Variants in PCDHGB6 observed in about 807,000 individuals in gnomAD.
PCDHGB6 encodes protocadherin gamma subfamily B, 6.
Under a neutral mutation model 59.1 loss-of-function variants are expected in PCDHGB6, and 51 were observed. The observed-to-expected ratio is 0.86, with a 90% CI of 0.69 to 1.09. The LOEUF (loss-of-function observed/expected upper bound fraction) is 1.09. Among genes scored for constraint, PCDHGB6 ranks in the 50% least tolerant of loss-of-function variants. PCDHGB6 has a pLI of 0.00. For missense variants in PCDHGB6, 1,148 were observed against 1,205.1 expected (o/e 0.95, Z 0.70); for synonymous variants, 466 against 495.1 (o/e 0.94, Z 0.78).
intron 1 of PCDHGB6, chr5:141,410,939 C>T (rs960754863): frequency 5.1e-5 from 10 of 195,446 alleles, no homozygotes; most frequent in South Asian, 1.1e-4. Flanking sequence ...CTGCAACCTC[C>T]GCCTTCTGGG....
intron 1 of PCDHGB6, chr5:141,418,595 G>GT (rs2096273873): frequency 6.2e-7 from 1 of 1,613,928 alleles, no homozygotes; most frequent in African/African-American, 1.3e-5. Context: ...CAGCCAGGAC[G>GT]TGTACAGGGT....
At position 141,410,617 on chromosome 5, in the gene PCDHGB6, T is replaced by A; in HGVS notation, c.2415T>A (p.Thr805=). Residue 805 remains threonine (T), a synonymous_variant, in exon 1 of 4, where the codon ACT becomes ACA. Coordinates refer to ENST00000520790, the MANE Select transcript of PCDHGB6 (RefSeq NM_018926.3). ...TGACTTCACATCCTGAGACTCTGAC[T>A]TCGGTGAGTTTCTCTTTTTTGTGTG... ...EDLTSHPETL[T]SQAPPNTDWR... 2 of 1,603,978 alleles carry A rather than the reference T, an allele frequency of 1.2e-6. No homozygotes were observed. The highest frequency in any genetic ancestry group is 1.7e-6 in the Non-Finnish European group (2 of 1,179,594).
At chr5:141,508,434 G>A (rs2099868795) in intron 3 of PCDHGB6, among the ~76,000 whole-genome samples, 1 of 152,160 alleles carries the variant, frequency 6.6e-6, no homozygotes, top group Admixed American at 6.5e-5. Flanking sequence ...AGCTCACACA[G>A]TTCCTTAGTG....
At chr5:141,475,090 A>G (rs991061660) in intron 1 of PCDHGB6, among the ~76,000 whole-genome samples, 1 of 152,264 alleles carries the variant, frequency 6.6e-6, no homozygotes, top group African/African-American at 2.4e-5. Flanking sequence ...CAATAATTTT[A>G]TAAAGATCCT....
intron 1 of PCDHGB6, chr5:141,419,364 C>T (rs1360235541): frequency 1.1e-5 from 18 of 1,613,690 alleles, no homozygotes; most frequent in Non-Finnish European, 1.3e-5. Flanking sequence ...CGAACGCTGT[C>T]GTCCTACGTG....
In PCDHGB6 at chr5:141,476,348, G is replaced by T. The variant is rs764669470; in HGVS notation, c.2419-18459G>T. On this transcript the variant is annotated intron_variant, in intron 1 of 3. Transcript: ENST00000520790. This position sits in a 1 kb window ranked among gnomAD's most constrained non-coding sequence, Gnocchi z 7.6. ...GTCTGGAGCTAGCCGAAGATTCTTTGAGGTGAACCGGGAGACCGGAGAGAT... is the reference window on the plus strand; with the variant it reads ...GTCTGGAGCTAGCCGAAGATTCTTTTAGGTGAACCGGGAGACCGGAGAGAT... 1 of 1,614,190 alleles carries T rather than the reference G, an allele frequency of 6.2e-7. No individual in the cohort carries two copies. The highest frequency in any genetic ancestry group is 8.5e-7 in the Non-Finnish European group (1 of 1,180,032).
In PCDHGB6 at chr5:141,490,004, CA is replaced by C; in HGVS notation, c.2419-4802del. 1 of 1,614,174 alleles carries C rather than the reference CA, an allele frequency of 6.2e-7. No individual in the cohort carries two copies. Among genetic ancestry groups the C allele is most frequent in the Admixed American group, 1.7e-5 (1 of 60,034 alleles). ...CTACGTGTGGGAATCCCAGAGAATG[CA>C]CCCATTGGTACTCTGCTGCTCCGCC... On this transcript the variant is annotated intron_variant, in intron 1 of 3. Transcript: ENST00000520790. This position sits in a 1 kb window ranked among gnomAD's most constrained non-coding sequence, Gnocchi z 5.4.
Position 141,433,020 on chromosome 5 carries a change from C to T in PCDHGB6, c.2418+22400C>T, listed in dbSNP as rs761127608. 1.1e-5 allele frequency: 17 copies of T among 1,614,152 alleles called. No individual in the cohort carries two copies. The South Asian group carries it at 1.9e-4, about 18-fold the overall frequency. On this transcript the variant is annotated intron_variant, in intron 1 of 3. Coordinates refer to ENST00000520790, the MANE Select transcript of PCDHGB6 (RefSeq NM_018926.3). ...GTGCAGGCTTTCCTGCAGACCTATTCCCACGAGGTTTCCCTCACCACGGAC... is the reference window on the plus strand; with the variant it reads ...GTGCAGGCTTTCCTGCAGACCTATTTCCACGAGGTTTCCCTCACCACGGAC...
chr5:141,421,160 A>T, intron 1 of PCDHGB6: 1 of 1,250,104 alleles, frequency 8.0e-7, no homozygotes, highest in Non-Finnish European at 1.1e-6. Flanking sequence ...CTAGGACTTC[A>T]TAGATACATA....
intron 2 of PCDHGB6, among the ~76,000 whole-genome samples, chr5:141,502,725 G>A (rs1020846462): frequency 2.0e-5 from 3 of 152,150 alleles, no homozygotes; most frequent in Non-Finnish European, 4.4e-5. Context: ...ATTACAAAGC[G>A]GTGATGTTCT....
At position 141,476,418 on chromosome 5, in the gene PCDHGB6, T is replaced by G. The variant is rs201255025; in HGVS notation, c.2419-18389T>G. ...GATCGAGAGGAGCTGTGTGGGACAC[T>G]GCCCTCTTGCACTGTAACTCTGGAG... On this transcript the variant is annotated intron_variant, in intron 1 of 3. Transcript: ENST00000520790. This position sits in a 1 kb window ranked among gnomAD's most constrained non-coding sequence, Gnocchi z 7.6. 8 of 1,614,122 alleles carry G rather than the reference T, an allele frequency of 5.0e-6. No homozygotes were observed. The highest frequency in any genetic ancestry group is 1.6e-4 in the Middle Eastern group (1 of 6,062).
At chr5:141,507,171 C>T (rs183042063) in intron 3 of PCDHGB6, 3 of 152,462 alleles carry the variant, frequency 2.0e-5, no homozygotes, top group South Asian at 2.1e-4. Context: ...AGGCTGTCCT[C>T]TTCCTCGAGC....
chr5:141,438,658 G>GTA (rs2098048375), intron 1 of PCDHGB6, among the ~76,000 whole-genome samples: 7 of 77,996 alleles, frequency 9.0e-5, no homozygotes, highest in African/African-American at 1.9e-4. Flanking sequence ...ACACATATAT[G>GTA]TATATATATA....
Position 141,432,098 on chromosome 5 carries a change from G to C in PCDHGB6, c.2418+21478G>C, listed in dbSNP as rs771050429. The C allele has an allele frequency of 1.9e-6, 3 of 1,613,938 alleles. No homozygotes were observed. The highest frequency in any genetic ancestry group is 1.7e-5 in the Admixed American group (1 of 59,992). On this transcript the variant is annotated intron_variant, in intron 1 of 3. Transcript: ENST00000520790. The surrounding 1 kb of genome is among the most constrained non-coding windows in gnomAD (Gnocchi z 6.0). ...CTCGCTGAACGTGGCAGACACCAAC[G>C]ACAACCCGCCGGTCTTCCCTCAGGC...
intron 1 of PCDHGB6, among the ~76,000 whole-genome samples, chr5:141,466,063 A>G (rs554503713): frequency 3.3e-5 from 5 of 152,268 alleles, no homozygotes; most frequent in Admixed American, 6.5e-5. Context: ...CGGAGCTTGC[A>G]GTGAGCTGAT....
chr5:141,487,695 C>T lies in PCDHGB6; in HGVS notation c.2419-7112C>T, dbSNP rs1345224043. The stretch of plus-strand genomic sequence containing the variant: ...TGGCTAGGCCATGTCCTAGAGAGTA[C>T]TGGCCTCTCAGTAAGTGCCCATAGT... On this transcript the variant is annotated intron_variant, in intron 1 of 3. Coordinates refer to ENST00000520790, the MANE Select transcript of PCDHGB6 (RefSeq NM_018926.3). The surrounding 1 kb of genome is among the most constrained non-coding windows in gnomAD (Gnocchi z 5.0). 2 of 1,601,306 alleles carry T rather than the reference C, an allele frequency of 1.2e-6. No individual in the cohort carries two copies. Among genetic ancestry groups the T allele is most frequent in the East Asian group, 2.2e-5 (1 of 44,606 alleles).
chr5:141,468,981 A>G (rs1209945826), intron 1 of PCDHGB6, among the ~76,000 whole-genome samples: 4 of 151,852 alleles, frequency 2.6e-5, no homozygotes, highest in East Asian at 1.9e-4. Context: ...TTTGACTTCC[A>G]AAATTATTGT....
intron 1 of PCDHGB6, chr5:141,417,651 A>C: frequency 1.2e-6 from 1 of 822,038 alleles, no homozygotes; most frequent in African/African-American, 1.7e-5. Context: ...CTCAGCCTCT[A>C]GCCTGGGATT....
In PCDHGB6 at chr5:141,476,760, CG is replaced by C. The variant is rs1325258321; in HGVS notation, c.2419-18045del. The C allele has an allele frequency of 6.2e-7, 1 of 1,613,706 alleles. No individual in the cohort carries two copies. Among genetic ancestry groups the C allele is most frequent in the African/African-American group, 1.3e-5 (1 of 74,930 alleles). On this transcript the variant is annotated intron_variant, in intron 1 of 3. Coordinates refer to ENST00000520790, the MANE Select transcript of PCDHGB6 (RefSeq NM_018926.3). This position sits in a 1 kb window ranked among gnomAD's most constrained non-coding sequence, Gnocchi z 7.6. ...GAGCCTAGTCTCCAGTTAGTGCTGA[CG>C]GCGTTGGACGGAGGGACCCCAGCTC...
Sources: gnomAD v4.1 joint callset for allele counts (sites outside exome capture counted in the v4.1 genomes callset) on GRCh38, gnomAD v4.1.1 for gene constraint, Gnocchi (gnomAD v3.1) non-coding constraint, MANE v1.5 for transcripts, NCBI Gene and HGNC (gene_info 2026-07-23, HGNC 2026-07-21) for gene names.